Variants in SLC35F5 observed in about 807,000 individuals in gnomAD.
The protein encoded by SLC35F5 is solute carrier family 35 member F5.
Under a neutral mutation model 68.6 loss-of-function variants are expected in SLC35F5, and 54 were observed. The observed-to-expected ratio is 0.79, with a 90% CI of 0.63 to 0.99. SLC35F5 has a LOEUF of 0.99. Ranked by LOEUF, SLC35F5 falls within the 50% of genes least tolerant of loss-of-function variation. SLC35F5 has a pLI of 0.00. For synonymous variants in SLC35F5, 211 were observed against 205.2 expected, an observed-to-expected ratio of 1.03 and a Z score of -0.24; for missense variants, 567 against 626.9, an observed-to-expected ratio of 0.90 and a Z score of 1.02.
intron 15 of SLC35F5, among the ~76,000 whole-genome samples, chr2:113,716,905 T>C (rs1479397282): frequency 6.6e-6 from 1 of 152,154 alleles, no homozygotes; most frequent in African/African-American, 2.4e-5. Flanking sequence ...AGGAGGATAA[T>C]GAAACTTAAC....
chr2:113,731,468 C>CA (rs879159935), intron 10 of SLC35F5, 116 bp downstream of exon 10: 98 of 649,182 alleles, frequency 1.5e-4, no homozygotes, highest in Non-Finnish European at 1.9e-4. Flanking sequence ...AGGAAAAGTT[C>CA]AAAAAAAACC....
At chr2:113,755,331 C>T (rs1273670153) in intron 2 of SLC35F5, 25 bp from the exon 3 acceptor site, 1 of 1,610,006 alleles carries the variant, frequency 6.2e-7, no homozygotes, top group Non-Finnish European at 8.5e-7. Flanking sequence ...ATACAGATCA[C>T]ATTAGAGATG....
intron 3 of SLC35F5, among the ~76,000 whole-genome samples, chr2:113,750,981 C>A: frequency 6.6e-6 from 1 of 152,122 alleles, no homozygotes; most frequent in Non-Finnish European, 1.5e-5. Context: ...TCCGTCTCTG[C>A]AGCAAAATAG....
intron 1 of SLC35F5, chr2:113,755,809 C>T (rs7578249): frequency 0.52 from 792,578 of 1,528,572 alleles, 211,475 homozygotes; most frequent in Middle Eastern, 0.62. Flanking sequence ...AGTTAACTAC[C>T]AGAAAATAGC....
intron 7 of SLC35F5, among the ~76,000 whole-genome samples, chr2:113,737,860 C>T (rs987910077): frequency 7.2e-5 from 11 of 152,118 alleles, no homozygotes; most frequent in African/African-American, 2.7e-4. Context: ...CATACAACGT[C>T]TCCCTTCATT....
intron 4 of SLC35F5, 68 bp downstream of exon 4, chr2:113,750,357 C>A: frequency 2.2e-6 from 3 of 1,368,652 alleles, no homozygotes; most frequent in South Asian, 1.7e-5. Flanking sequence ...GAAACTAATA[C>A]ATCTTTAAAC....
intron 7 of SLC35F5, among the ~76,000 whole-genome samples, chr2:113,736,876 G>A (rs1248458941): frequency 6.6e-6 from 1 of 152,088 alleles, no homozygotes; most frequent in Non-Finnish European, 1.5e-5. Context: ...AGGTTGGCAG[G>A]ATGTGTGTGT....
At chr2:113,725,704 G>A (rs1240926414) in intron 11 of SLC35F5, 167 bp from the exon 12 acceptor site, 19 of 522,742 alleles carry the variant, frequency 3.6e-5, no homozygotes, top group Non-Finnish European at 4.3e-5. Flanking sequence ...ATAGCTCAAC[G>A]CCATAGAAAA....
intron 3 of SLC35F5, 53 bp downstream of exon 3, chr2:113,755,112 G>C: frequency 6.4e-7 from 1 of 1,573,842 alleles, no homozygotes; most frequent in Middle Eastern, 1.7e-4. Flanking sequence ...TACAGGTTAA[G>C]AGTTAACATT....
At chr2:113,726,512 A>C (rs1687670500) in intron 11 of SLC35F5, among the ~76,000 whole-genome samples, 1 of 152,226 alleles carries the variant, frequency 6.6e-6, no homozygotes. Context: ...AAATTACAGT[A>C]GATATATAAT....
intron 5 of SLC35F5, among the ~76,000 whole-genome samples, chr2:113,744,452 A>G (rs746036619): frequency 6.6e-6 from 1 of 152,172 alleles, no homozygotes; most frequent in Non-Finnish European, 1.5e-5. Context: ...ACTCACAATA[A>G]TTTTATAGAA....
intron 12 of SLC35F5, among the ~76,000 whole-genome samples, chr2:113,723,770 C>T (rs1559326633): frequency 2.0e-5 from 3 of 152,070 alleles, no homozygotes. Flanking sequence ...TTGTCCTAAC[C>T]AAAAGCTAAG....
intron 4 of SLC35F5, among the ~76,000 whole-genome samples, chr2:113,748,983 T>C (rs1676629650): frequency 6.6e-6 from 1 of 152,128 alleles, no homozygotes; most frequent in Non-Finnish European, 1.5e-5. Flanking sequence ...TTTGTATTTT[T>C]AGTAGAGACG....
chr2:113,727,390 G>A (rs573545981), intron 11 of SLC35F5, among the ~76,000 whole-genome samples: 1 of 152,082 alleles, frequency 6.6e-6, no homozygotes, highest in South Asian at 2.1e-4. Context: ...TATACAGCAA[G>A]GACACGACCT....
downstream of SLC35F5, among the ~76,000 whole-genome samples, chr2:113,706,370 C>G (rs1686798773): frequency 6.7e-6 from 1 of 150,360 alleles, no homozygotes; most frequent in Non-Finnish European, 1.5e-5. Context: ...GTTGTGCTTC[C>G]TCTGGGTGAC....
intron 12 of SLC35F5, among the ~76,000 whole-genome samples, chr2:113,724,106 C>A (rs985291041): frequency 6.6e-6 from 1 of 152,198 alleles, no homozygotes; most frequent in African/African-American, 2.4e-5. Flanking sequence ...TGAACAGAGG[C>A]TGAACAACGA....
At chr2:113,729,680 C>T (rs1687808665) in intron 10 of SLC35F5, among the ~76,000 whole-genome samples, 175 bp from the exon 11 acceptor site, 1 of 151,940 alleles carries the variant, frequency 6.6e-6, no homozygotes, top group African/African-American at 2.4e-5. Context: ...TATAGCCTAC[C>T]CCATCCAAGT....
At chr2:113,735,625 T>C in intron 8 of SLC35F5, 152 bp downstream of exon 8, 1 of 504,188 alleles carries the variant, frequency 2.0e-6, no homozygotes, top group Non-Finnish European at 3.6e-6. Context: ...CCTGACTGTA[T>C]ACAGATTAAA....
downstream of SLC35F5, chr2:113,705,216 C>T (rs1686773687): frequency 6.6e-6 from 1 of 152,208 alleles, no homozygotes; most frequent in African/African-American, 2.4e-5. Context: ...CTGGGACTGT[C>T]CTTGGCAAAC....
Sources: allele counts gnomAD v4.1 joint callset (sites outside exome capture counted in the v4.1 genomes callset), GRCh38; gene constraint gnomAD v4.1.1; transcripts MANE v1.5; gene names NCBI Gene and HGNC (gene_info 2026-07-23, HGNC 2026-07-21).